SCML1: variants seen among roughly 807,000 people sequenced by gnomAD.
SCML1 encodes the protein sex comb on midleg-like protein 1.
For synonymous variants in SCML1, 104 were observed against 103.6 expected (o/e 1.00, Z -0.02); for missense variants, 137 against 258.1 (o/e 0.53, Z 3.22).
intron 4 of SCML1, among the ~76,000 whole-genome samples, chrX:17,747,317 TCTC>T (rs2066651624): frequency 3.6e-5 from 4 of 110,789 alleles, no homozygotes; most frequent in African/African-American, 1.3e-4. Context: ...TCCCCCTCTC[TCTC>T]CTCTGGCTCC....
At chrX:17,738,168 A>G (rs746851990) in intron 1 of SCML1, among the ~76,000 whole-genome samples, 2 of 112,373 alleles carry the variant, frequency 1.8e-5, no homozygotes, top group Non-Finnish European at 3.8e-5. Context: ...AAATACGTAA[A>G]TGAGGAGGAA....
Position 17,741,446 on chromosome X carries a change from G to A in SCML1, c.-116-2625G>A, listed in dbSNP as rs144563649. On this transcript the variant is annotated intron_variant, in intron 1 of 7. Coordinates refer to ENST00000380041, the MANE Select transcript of SCML1 (RefSeq NM_001037540.3). ...AAGAAGTGACCTCTGCGCAGTGGGC[G>A]GGGTCCTGATTATGGAAGGACCTTG... is the stretch of plus-strand genomic sequence containing the variant. 8.3e-3 allele frequency among the ~76,000 whole-genome samples: 925 copies of A among 111,432 alleles called. 27 individuals carry two copies. The highest frequency in any genetic ancestry group is 0.067 in the Admixed American group (704 of 10,538).
intron 2 of SCML1, chrX:17,744,756 C>T (rs1453563763): frequency 8.9e-6 from 1 of 112,090 alleles, no homozygotes; most frequent in South Asian, 3.7e-4. Context: ...TTTTCTCTGA[C>T]ATAACTATGT....
chrX:17,743,236 T>C (rs1226917777), intron 1 of SCML1, among the ~76,000 whole-genome samples: 1 of 111,867 alleles, frequency 8.9e-6, no homozygotes, highest in Non-Finnish European at 1.9e-5. Flanking sequence ...TTTCTGTCTT[T>C]TGGGTTCATG....
rs2066737063 is a variant in SCML1 at position 17,753,727 on chromosome X, C to T, written c.*335C>T. On this transcript the variant is annotated 3_prime_UTR_variant, in exon 8 of 8. Transcript: ENST00000380041. ...TTCTGGTTCATCTCGATACAGAGAA[C>T]CAAAACAGCTAAGAGAGGTATTATC... 9.0e-6 allele frequency: 1 copy of T among 110,754 alleles called. No homozygotes were observed. The highest frequency in any genetic ancestry group is 4.2e-3 in the Middle Eastern group (1 of 238). 9.1% of individuals were successfully genotyped at this position (110,754 alleles called of 1,213,427 possible). A position where few individuals can be genotyped will look rare whatever the true frequency, so the allele number is the denominator to read the frequency against.
At chrX:17,752,384 TTGA>T (rs763250322) in intron 7 of SCML1, among the ~76,000 whole-genome samples, 2 of 112,316 alleles carry the variant, frequency 1.8e-5, no homozygotes, top group South Asian at 3.7e-4. Flanking sequence ...GCCTCGATTA[TTGA>T]TGATTTGTAA....
intron 5 of SCML1, 39 bp downstream of exon 5, chrX:17,749,543 C>A: frequency 1.1e-6 from 1 of 883,235 alleles, no homozygotes. Flanking sequence ...CTGTGATAAA[C>A]CTCTGGTTTG....
intron 1 of SCML1, among the ~76,000 whole-genome samples, chrX:17,740,532 G>A (rs1020908179): frequency 1.8e-5 from 2 of 110,861 alleles, no homozygotes; most frequent in Non-Finnish European, 3.8e-5. Context: ...TAAGTAAGTT[G>A]TTCAACTTAC....
intron 4 of SCML1, among the ~76,000 whole-genome samples, chrX:17,748,007 A>G (rs2066659038): frequency 9.0e-6 from 1 of 111,160 alleles, no homozygotes; most frequent in Non-Finnish European, 1.9e-5. Context: ...GGCCATCAGA[A>G]TCACCTGGGG....
Position 17,753,491 on chromosome X carries a change from G to A in SCML1, c.*99G>A, listed in dbSNP as rs1601882473. 1.6e-6 allele frequency: 1 copy of A among 616,332 alleles called. No homozygotes were observed. The highest frequency in any genetic ancestry group is 2.4e-6 in the Non-Finnish European group (1 of 421,625). 50.8% of individuals were successfully genotyped at this position (616,332 alleles called of 1,213,427 possible). ...TCTGCCCTTTAGTCGTTTTTGTTTTGTAGAAAGTATCTCTCAAAATATATT... is the reference window on the plus strand; with the variant it reads ...TCTGCCCTTTAGTCGTTTTTGTTTTATAGAAAGTATCTCTCAAAATATATT... On this transcript the variant is annotated 3_prime_UTR_variant, in exon 8 of 8. Coordinates refer to ENST00000380041, the MANE Select transcript of SCML1 (RefSeq NM_001037540.3).
chrX:17,746,848 G>A lies in SCML1; in HGVS notation c.198+750G>A, dbSNP rs773526226. Among the ~76,000 whole-genome samples, 8 of 111,740 alleles carry A rather than the reference G, an allele frequency of 7.2e-5. No homozygotes were observed. The South Asian group carries it at 2.6e-3, about 37-fold the overall frequency. On this transcript the variant is annotated intron_variant, in intron 4 of 7. Coordinates refer to ENST00000380041, the MANE Select transcript of SCML1 (RefSeq NM_001037540.3). Reference sequence around the variant, plus strand: ...GGTCATGGTCTAGGTCAGCTTATACGCTGAGGTGGGAGGTAGCATCTGTGG... The same window carrying A: ...GGTCATGGTCTAGGTCAGCTTATACACTGAGGTGGGAGGTAGCATCTGTGG...
chrX:17,737,839 G>T (rs1368195293), intron 1 of SCML1, 159 bp downstream of exon 1: 2 of 111,659 alleles, frequency 1.8e-5, no homozygotes, highest in Admixed American at 1.9e-4. Context: ...GGTGTGGAGG[G>T]GGGTGCTTTG....
chrX:17,744,990 C>T (rs1458101478), intron 2 of SCML1: 2 of 112,198 alleles, frequency 1.8e-5, no homozygotes, highest in Non-Finnish European at 3.7e-5. Context: ...TGGCTATTTA[C>T]TCCTTACTTA....
intron 6 of SCML1, among the ~76,000 whole-genome samples, 199 bp downstream of exon 6, chrX:17,750,492 G>A (rs910275680): frequency 1.7e-4 from 19 of 112,485 alleles, no homozygotes; most frequent in African/African-American, 3.6e-4. Context: ...GAAGCTGTTC[G>A]TTTCCTATTT....
chrX:17,743,656 G>A (rs749280235), intron 1 of SCML1, among the ~76,000 whole-genome samples: 2 of 111,548 alleles, frequency 1.8e-5, no homozygotes, highest in Non-Finnish European at 3.8e-5. Flanking sequence ...CTTGTGGTCC[G>A]CCCAGCCCAC....
intron 1 of SCML1, among the ~76,000 whole-genome samples, chrX:17,742,272 A>C (rs1308099989): frequency 8.9e-6 from 1 of 112,321 alleles, no homozygotes; most frequent in Admixed American, 9.4e-5. Flanking sequence ...GTAGCAATAC[A>C]ACACTGATTC....
In SCML1 at chrX:17,745,579, T is replaced by C. The variant is rs777678250; in HGVS notation, c.117+40T>C. ...AATTGCCAAATATATTAACATTTGCTGTTTTAAAGGAAAAGATGTAAATTC... is the reference window on the plus strand; with the variant it reads ...AATTGCCAAATATATTAACATTTGCCGTTTTAAAGGAAAAGATGTAAATTC... On this transcript the variant is annotated intron_variant, in intron 3 of 7. Coordinates refer to ENST00000380041, the MANE Select transcript of SCML1 (RefSeq NM_001037540.3). 4 of 800,128 alleles carry C rather than the reference T, an allele frequency of 5.0e-6. No homozygotes were observed. The Admixed American group carries it at 1.1e-4, about 22-fold the overall frequency. The allele number at this position is 800,128 out of a possible 1,213,427, so 65.9% of individuals were successfully genotyped here.
At chrX:17,750,872 CCTAA>C (rs1418327920) in intron 6 of SCML1, among the ~76,000 whole-genome samples, 6 of 112,542 alleles carry the variant, frequency 5.3e-5, no homozygotes, top group Middle Eastern at 4.7e-3. Flanking sequence ...AACAAATTTT[CCTAA>C]CTAATTACAA....
At chrX:17,748,495 C>T (rs1446715827) in intron 4 of SCML1, among the ~76,000 whole-genome samples, 1 of 111,933 alleles carries the variant, frequency 8.9e-6, no homozygotes, top group Admixed American at 9.4e-5. Context: ...CATGAGCCAC[C>T]GCACCCGGCC....
Sources: allele counts gnomAD v4.1 joint callset (sites outside exome capture counted in the v4.1 genomes callset), GRCh38; gene constraint gnomAD v4.1.1; transcripts MANE v1.5; gene names NCBI Gene and HGNC (gene_info 2026-07-23, HGNC 2026-07-21).